The following AGBL4 variants were observed in gnomAD, a reference collection of about 807,000 sequenced individuals.
AGBL4 encodes the protein AGBL carboxypeptidase 4.
A neutral mutation model predicts 66.4 loss-of-function variants in AGBL4; 58 were observed. That is an observed-to-expected ratio of 0.87 (90% CI 0.71 to 1.09). The LOEUF is 1.09. AGBL4 is among the 50% of genes least tolerant of loss of function. The pLI, the probability that AGBL4 is intolerant of heterozygous loss-of-function variation, is 0.00. For missense variants in AGBL4, 579 were observed against 631.0 expected (o/e 0.92, Z 0.88); for synonymous variants, 234 against 222.9 (o/e 1.05, Z -0.44).
At chr1:48,990,939 TGTA>T (rs1275946885) in intron 5 of AGBL4, among the ~76,000 whole-genome samples, 1 of 152,190 alleles carries the variant, frequency 6.6e-6, no homozygotes, top group Non-Finnish European at 1.5e-5. Flanking sequence ...CTTGAAAAGT[TGTA>T]GTTATTATTT....
intron 5 of AGBL4, among the ~76,000 whole-genome samples, chr1:48,904,172 G>A (rs1268549484): frequency 6.6e-6 from 1 of 151,080 alleles, no homozygotes; most frequent in Non-Finnish European, 1.5e-5. Context: ...CCAGCTACTC[G>A]GGAGGTTGAG....
At chr1:49,116,072 T>C (rs1219580927) in intron 4 of AGBL4, among the ~76,000 whole-genome samples, 3 of 152,182 alleles carry the variant, frequency 2.0e-5, no homozygotes, top group African/African-American at 7.2e-5. Context: ...TGTATGTCTT[T>C]GAAAAATTAT....
chr1:49,266,103 C>T (rs1168877664), intron 3 of AGBL4: 3 of 152,076 alleles, frequency 2.0e-5, no homozygotes, highest in Admixed American at 6.6e-5. Context: ...ATTAGCTGCA[C>T]CTGTGTCTTG....
At chr1:48,679,294 T>C (rs1646417199) in intron 6 of AGBL4, among the ~76,000 whole-genome samples, 1 of 152,246 alleles carries the variant, frequency 6.6e-6, no homozygotes, top group African/African-American at 2.4e-5. Flanking sequence ...ATCAAGGGTC[T>C]CTGAGTCAGA....
Position 49,865,789 on chromosome 1 carries a change from A to G in AGBL4, c.35-14271T>C, listed in dbSNP as rs190401791. 2.6e-4 allele frequency: 44 copies of G among 167,148 alleles called. No individual in the cohort carries two copies. The East Asian group carries it at 5.1e-3, about 19-fold the overall frequency. 10.4% of individuals were successfully genotyped at this position (167,148 alleles called of 1,614,324 possible). A position where few individuals can be genotyped will look rare whatever the true frequency, so the allele number is the denominator to read the frequency against. On this transcript the variant is annotated intron_variant, in intron 1 of 13. Coordinates refer to ENST00000371839, the MANE Select transcript of AGBL4 (RefSeq NM_032785.4). ...AACTGACAGAAGTAGGCTTCAAAAG[A>G]TAAGACAATGACAAACTTCACAGAG... is the stretch of plus-strand genomic sequence containing the variant.
chr1:49,894,381 G>A (rs932255377), intron 1 of AGBL4, among the ~76,000 whole-genome samples: 2 of 152,036 alleles, frequency 1.3e-5, no homozygotes, highest in African/African-American at 2.4e-5. Flanking sequence ...ACTAAATAAG[G>A]CACTAGGGAT....
chr1:48,620,947 AG>A (rs1255210740), intron 9 of AGBL4, among the ~76,000 whole-genome samples: 8 of 152,080 alleles, frequency 5.3e-5, no homozygotes, highest in African/African-American at 9.7e-5. Context: ...CCGGAACTGG[AG>A]GCTAGAGACA....
chr1:48,765,485 G>C (rs889828375), intron 6 of AGBL4, among the ~76,000 whole-genome samples: 1 of 152,194 alleles, frequency 6.6e-6, no homozygotes, highest in African/African-American at 2.4e-5. Flanking sequence ...AGAATGGGCA[G>C]CCATAGTAGA....
At chr1:49,204,123 T>C (rs1030662981) in intron 4 of AGBL4, among the ~76,000 whole-genome samples, 3 of 152,024 alleles carry the variant, frequency 2.0e-5, no homozygotes, top group Non-Finnish European at 1.5e-5. Flanking sequence ...AGGGGCCAAG[T>C]AGGAGACAGA....
At chr1:48,610,106 G>A (rs1268626792) in intron 9 of AGBL4, among the ~76,000 whole-genome samples, 1 of 152,228 alleles carries the variant, frequency 6.6e-6, no homozygotes, top group African/African-American at 2.4e-5. Context: ...GTCTGGATTA[G>A]AGATAATGTA....
intron 3 of AGBL4, among the ~76,000 whole-genome samples, chr1:49,582,224 G>A (rs1236685916): frequency 6.6e-6 from 1 of 152,166 alleles, no homozygotes; most frequent in African/African-American, 2.4e-5. Flanking sequence ...CCTCCTGATG[G>A]CAAGTGCATG....
In AGBL4 at chr1:49,305,862, G is replaced by T. The variant is rs371325969; in HGVS notation, c.283-59998C>A. ...AGTGCCACCACGCCCGGCTAATTTT[G>T]TATTTCTAGTAGAGACAGGGCTTCT... On this transcript the variant is annotated intron_variant, in intron 3 of 13. Transcript: ENST00000371839. 3.3e-4 allele frequency among the ~76,000 whole-genome samples: 50 copies of T among 152,142 alleles called. 1 individual carries two copies. The South Asian group carries it at 9.5e-3, about 29-fold the overall frequency.
At chr1:48,929,385 T>C (rs999866345) in intron 5 of AGBL4, among the ~76,000 whole-genome samples, 2 of 152,178 alleles carry the variant, frequency 1.3e-5, no homozygotes, top group Non-Finnish European at 2.9e-5. Context: ...TTTGTTCCCA[T>C]TGTTCTCTTT....
At chr1:48,641,702 G>C (rs1168180060) in intron 8 of AGBL4, among the ~76,000 whole-genome samples, 1 of 152,146 alleles carries the variant, frequency 6.6e-6, no homozygotes, top group Non-Finnish European at 1.5e-5. Flanking sequence ...CAGTTGAACT[G>C]TATAAATAGA....
At chr1:49,652,730 C>G (rs768615149) in intron 3 of AGBL4, among the ~76,000 whole-genome samples, 5 of 152,150 alleles carry the variant, frequency 3.3e-5, no homozygotes, top group African/African-American at 4.8e-5. Context: ...CAAGGCCAGA[C>G]AGCGGGACCC....
intron 3 of AGBL4, among the ~76,000 whole-genome samples, chr1:49,534,363 G>T (rs1651405476): frequency 6.6e-6 from 1 of 151,800 alleles, no homozygotes; most frequent in Non-Finnish European, 1.5e-5. Context: ...GAGATAAAAG[G>T]GTACAATACC....
intron 3 of AGBL4, among the ~76,000 whole-genome samples, chr1:49,264,825 G>A (rs772968506): frequency 3.9e-5 from 6 of 152,178 alleles, no homozygotes; most frequent in Non-Finnish European, 5.9e-5. Context: ...GATTATAGGC[G>A]TGAGCCACCA....
intron 3 of AGBL4, among the ~76,000 whole-genome samples, chr1:49,516,069 C>CG (rs1214101746): frequency 3.3e-5 from 5 of 151,192 alleles, no homozygotes; most frequent in Admixed American, 2.6e-4. Flanking sequence ...AGACTGCCCC[C>CG]CCCCACAAAA....
intron 4 of AGBL4, among the ~76,000 whole-genome samples, chr1:49,226,051 TTGTC>T (rs1649886375): frequency 6.6e-6 from 1 of 152,200 alleles, no homozygotes; most frequent in African/African-American, 2.4e-5. Context: ...ATTAAGTAGT[TTGTC>T]TGTCTTAGCT....
Sources: gnomAD v4.1 joint callset for allele counts (sites outside exome capture counted in the v4.1 genomes callset) on GRCh38, gnomAD v4.1.1 for gene constraint, MANE v1.5 for transcripts, NCBI Gene and HGNC (gene_info 2026-07-23, HGNC 2026-07-21) for gene names.